Variants in NTRK1 observed in about 807,000 individuals in gnomAD.
NTRK1 encodes high affinity nerve growth factor receptor.
A neutral mutation model predicts 86.8 loss-of-function variants in NTRK1; 62 were observed. That is an observed-to-expected ratio of 0.71 (90% CI 0.58 to 0.88). The LOEUF is 0.88. NTRK1 is among the 40% of genes least tolerant of loss of function. The probability of loss-of-function intolerance (pLI) is 0.00; values close to 1 mark genes in which losing one functional copy is unlikely to be tolerated. For missense variants in NTRK1, 967 were observed against 1,078.4 expected (o/e 0.90, Z 1.45); for synonymous variants, 469 against 456.6 (o/e 1.03, Z -0.35).
rs137979116 is a variant in NTRK1, at chr1:156,873,647, C to A, written c.865C>A (p.Gln289Lys). The A allele has an allele frequency of 1.3e-3, 2,159 of 1,610,930 alleles. 3 individuals carry two copies. Among genetic ancestry groups the A allele is most frequent in the Non-Finnish European group, 1.7e-3 (2,025 of 1,179,594 alleles). The change falls in exon 8 of 17, where the codon CAG becomes AAG. Residue 289 changes from glutamine to lysine, a missense_variant. Coordinates refer to ENST00000524377, the MANE Select transcript of NTRK1 (RefSeq NM_002529.4). The part of the protein sequence containing the change: ...QVNVSFPASV[Q>K]LHTAVEMHHW... ...CTGGCCCACAGTCCCGGCCAGTGTGCAGCTGCACACGGCGGTGGAGATGCA... is the reference window on the plus strand; with the variant it reads ...CTGGCCCACAGTCCCGGCCAGTGTGAAGCTGCACACGGCGGTGGAGATGCA...
Position 156,853,990 on chromosome 1 carries a change from G to A in NTRK1, c.51-10364G>A, listed in dbSNP as rs750615737. 2.8e-5 allele frequency: 45 copies of A among 1,613,418 alleles called. No homozygotes were observed. The highest frequency in any genetic ancestry group is 5.0e-5 in the Admixed American group (3 of 59,978). ...CCACACGCACAGCCCCACGCAGCAC[G>A]GCCCCAAGTGCAGGCAGTGCCACGT... On this transcript the variant is annotated intron_variant, in intron 2 of 16. Transcript: ENST00000392302.
chr1:156,867,049 A>T, intron 4 of NTRK1, 71 bp downstream of exon 4: 1 of 1,488,414 alleles, frequency 6.7e-7, no homozygotes, highest in Non-Finnish European at 9.4e-7. Context: ...GGTCTGTTGG[A>T]TGACATTGGG....
intron 1 of NTRK1, among the ~76,000 whole-genome samples, chr1:156,832,532 A>G (rs1654491198): frequency 6.6e-6 from 1 of 152,148 alleles, no homozygotes; most frequent in Non-Finnish European, 1.5e-5. Flanking sequence ...CTCAAGATAT[A>G]TGGGAAGGGA....
chr1:156,870,309 AG>A (rs1453656187), intron 6 of NTRK1, among the ~76,000 whole-genome samples: 1 of 152,196 alleles, frequency 6.6e-6, no homozygotes, highest in Non-Finnish European at 1.5e-5. Flanking sequence ...GCACTTTGGG[AG>A]GCCAAGGAGG....
chr1:156,828,446 A>G (rs1389484091), intron 1 of NTRK1, among the ~76,000 whole-genome samples: 1 of 152,248 alleles, frequency 6.6e-6, no homozygotes, highest in Non-Finnish European at 1.5e-5. Context: ...AGGAAGGTTT[A>G]GAGGATAACA....
At chr1:156,830,012 G>A (rs1240679321) in intron 1 of NTRK1, among the ~76,000 whole-genome samples, 2 of 152,192 alleles carry the variant, frequency 1.3e-5, no homozygotes, top group Non-Finnish European at 2.9e-5. Flanking sequence ...CTGATTGTTA[G>A]CATTCAATCA....
At chr1:156,830,342 G>C (rs1654435685) in intron 1 of NTRK1, among the ~76,000 whole-genome samples, 1 of 152,190 alleles carries the variant, frequency 6.6e-6, no homozygotes, top group Non-Finnish European at 1.5e-5. Context: ...ATGCAGCCCA[G>C]GTTACGAGAC....
intron 2 of NTRK1, chr1:156,851,344 G>A: frequency 1.2e-6 from 2 of 1,614,146 alleles, no homozygotes; most frequent in Non-Finnish European, 8.5e-7. Flanking sequence ...AAAGCCCAGG[G>A]ACACGAGGGC....
At chr1:156,858,537 C>T, upstream of NTRK1, 1 of 1,612,908 alleles carries the variant, frequency 6.2e-7, no homozygotes. Context: ...GGGGACTCAC[C>T]CTCTACTGTA....
intron 1 of NTRK1, among the ~76,000 whole-genome samples, chr1:156,819,504 T>TTTTTTTA (rs148077088): frequency 6.8e-6 from 1 of 147,076 alleles, no homozygotes; most frequent in African/African-American, 2.5e-5. Context: ...GGATTATTAT[T>TTTTTTTA]TTTTTATTTT....
chr1:156,849,589 A>C (rs1571666856), intron 2 of NTRK1: 2 of 663,406 alleles, frequency 3.0e-6, no homozygotes, highest in Non-Finnish European at 5.3e-6. Flanking sequence ...TGGCTGGCTC[A>C]CACCAGCACA....
chr1:156,843,791 C>T (rs796788437), intron 2 of NTRK1, among the ~76,000 whole-genome samples: 3 of 152,230 alleles, frequency 2.0e-5, no homozygotes, highest in Non-Finnish European at 4.4e-5. Context: ...GATCTGACAT[C>T]AGGCATTCTG....
intron 1 of NTRK1, among the ~76,000 whole-genome samples, chr1:156,822,754 G>A (rs2102834533): frequency 6.6e-6 from 1 of 152,094 alleles, no homozygotes; most frequent in African/African-American, 2.4e-5. Flanking sequence ...TTCCTGGTAG[G>A]GTGATCCAGA....
chr1:156,853,621 C>G (rs574346471), intron 2 of NTRK1: 332 of 948,026 alleles, frequency 3.5e-4, no homozygotes, highest in Non-Finnish European at 3.6e-4. Flanking sequence ...CCTTACCTGC[C>G]TCATAGGATG....
chr1:156,830,464 G>C (rs1654438428), intron 1 of NTRK1, among the ~76,000 whole-genome samples: 1 of 152,020 alleles, frequency 6.6e-6, no homozygotes, highest in South Asian at 2.1e-4. Context: ...AGGTGAACCT[G>C]GGCAAGTTTC....
At chr1:156,816,139 ATGTC>A (rs748286365) in intron 1 of NTRK1, 16 of 1,575,628 alleles carry the variant, frequency 1.0e-5, no homozygotes, top group African/African-American at 1.3e-5. Flanking sequence ...GAGAGGAACT[ATGTC>A]TGTCTCTGCC....
chr1:156,854,298 G>C lies in NTRK1; in HGVS notation c.51-10056G>C. 1 of 1,608,840 alleles carries C rather than the reference G, an allele frequency of 6.2e-7. No homozygotes were observed. The highest frequency in any genetic ancestry group is 1.7e-5 in the Admixed American group (1 of 59,896). On this transcript the variant is annotated intron_variant, in intron 2 of 16. Coordinates refer to the NTRK1 transcript ENST00000392302. This position sits in a 1 kb window ranked among gnomAD's most constrained non-coding sequence, Gnocchi z 4.2. ...ACCTCTGAGCGAATATCCAGGCTGG[G>C]GCACACTGTGGGCATACACGGCACG...
intron 1 of NTRK1, among the ~76,000 whole-genome samples, chr1:156,826,293 CTTTT>C (rs386368405): frequency 1.1e-4 from 10 of 88,430 alleles, no homozygotes; most frequent in East Asian, 4.1e-4. Context: ...GACTTGAGCT[CTTTT>C]TTTTTTTTTT....
At chr1:156,879,095 T>A in intron 14 of NTRK1, 27 bp from the exon 15 acceptor site, 2 of 1,612,188 alleles carry the variant, frequency 1.2e-6, no homozygotes, top group South Asian at 1.1e-5. Context: ...CCTCCCAGCC[T>A]ATCCCCTCTC....
Sources: allele counts gnomAD v4.1 joint callset (sites outside exome capture counted in the v4.1 genomes callset), GRCh38; gene constraint gnomAD v4.1.1; non-coding constraint Gnocchi (gnomAD v3.1); transcripts MANE v1.5; gene names NCBI Gene and HGNC (gene_info 2026-07-23, HGNC 2026-07-21).